Variants in NPM1 observed in about 807,000 individuals in gnomAD.
The protein encoded by NPM1 is nucleophosmin 1, also known as nucleophosmin.
In NPM1, 1 loss-of-function variant was observed where a neutral mutation model predicts 44.1. The observed-to-expected ratio is 0.02, with a 90% CI of 0.01 to 0.11. NPM1 has a LOEUF of 0.11. Among genes scored for constraint, NPM1 ranks in the 10% least tolerant of loss-of-function variants. The pLI, the probability that NPM1 is intolerant of heterozygous loss-of-function variation, is 1.00. For synonymous variants in NPM1, 126 were observed against 111.8 expected, an observed-to-expected ratio of 1.13 and a Z score of -0.80; for missense variants, 197 against 347.8, an observed-to-expected ratio of 0.57 and a Z score of 3.45.
At chr5:171,401,428 G>C (rs74449164) in intron 8 of NPM1, among the ~76,000 whole-genome samples, 47 of 152,072 alleles carry the variant, frequency 3.1e-4, no homozygotes, top group Admixed American at 2.8e-3. Flanking sequence ...GTGGTGGGGC[G>C]GGGGGAGCCA....
chr5:171,406,733 A>G (rs1312173508), intron 9 of NPM1: 2 of 1,135,144 alleles, frequency 1.8e-6, no homozygotes, highest in African/African-American at 3.2e-5. Flanking sequence ...ATCAATTAAG[A>G]ATGTATGTGA....
chr5:171,400,566 C>T (rs1209634090), intron 7 of NPM1, among the ~76,000 whole-genome samples: 3 of 151,378 alleles, frequency 2.0e-5, no homozygotes, highest in African/African-American at 4.9e-5. Context: ...AAGCGATTCT[C>T]CTGCCTCAGC....
At position 171,398,639 on chromosome 5, in the gene NPM1, C is replaced by T. The variant is rs538056798; in HGVS notation, c.525-1514C>T. 1.6e-3 allele frequency among the ~76,000 whole-genome samples: 245 copies of T among 152,128 alleles called. 1 individual carries two copies. The highest frequency in any genetic ancestry group is 3.1e-3 in the Non-Finnish European group (213 of 68,012). ...TACAAATTTTAGCTGGGCATGGTAG[C>T]GTGTGCCTGTAGTCCCAGCTACTCA... On this transcript the variant is annotated intron_variant, in intron 6 of 10. Coordinates refer to ENST00000296930, the MANE Select transcript of NPM1 (RefSeq NM_002520.7).
chr5:171,393,148 G>A (rs779968980), intron 6 of NPM1, among the ~76,000 whole-genome samples, 170 bp downstream of exon 6: 11 of 152,218 alleles, frequency 7.2e-5, no homozygotes, highest in Non-Finnish European at 1.0e-4. Context: ...TAAGTTAAAT[G>A]AGCTGAGTTG....
At chr5:171,409,928 G>A (rs1179281410) in intron 10 of NPM1, among the ~76,000 whole-genome samples, 1 of 152,000 alleles carries the variant, frequency 6.6e-6, no homozygotes, top group Non-Finnish European at 1.5e-5. Context: ...CTGAGTAGCT[G>A]GGCCTCCTGT....
chr5:171,390,176 G>A, intron 2 of NPM1, 46 bp downstream of exon 2: 3 of 1,129,362 alleles, frequency 2.7e-6, no homozygotes, highest in Non-Finnish European at 3.8e-6. Context: ...CTTGATTTCA[G>A]CCTTTTAGTT....
intron 8 of NPM1, among the ~76,000 whole-genome samples, chr5:171,404,256 G>A (rs1317755829): frequency 9.4e-6 from 1 of 106,758 alleles, no homozygotes; most frequent in Non-Finnish European, 2.0e-5. Flanking sequence ...CCTCCCTCCC[G>A]GACGGGGTGG....
rs1486805401 is a variant in NPM1, at chr5:171,407,692, C to A, written c.772-8C>A. The A allele has an allele frequency of 1.9e-6, 3 of 1,558,580 alleles. No homozygotes were observed. In the East Asian group the frequency reaches 6.7e-5, roughly 35 times the overall value. Reference sequence around the variant, plus strand: ...TACTTACCTGTAATAATGCTTTTGTCTTAATAGGGTGGTTCTCTTCCCAAA... The same window carrying A: ...TACTTACCTGTAATAATGCTTTTGTATTAATAGGGTGGTTCTCTTCCCAAA... On this transcript the variant is annotated splice_polypyrimidine_tract_variant and splice_region_variant and intron_variant, in intron 9 of 10. Transcript: ENST00000296930.
At chr5:171,410,504 C>T (rs1561878383) in intron 10 of NPM1, 23 bp from the exon 11 acceptor site, 2 of 1,477,128 alleles carry the variant, frequency 1.4e-6, no homozygotes, top group East Asian at 2.3e-5. Flanking sequence ...TCCTTAACCA[C>T]ATTTCTTTTT....
intron 9 of NPM1, 35 bp downstream of exon 9, chr5:171,405,438 C>G (rs552941617): frequency 1.7e-5 from 16 of 940,130 alleles, no homozygotes; most frequent in Non-Finnish European, 2.4e-5. Flanking sequence ...CTTTGTCTCC[C>G]CCCTCAAATT....
In NPM1 at chr5:171,398,150, TCCA is replaced by T. The variant is rs202048907; in HGVS notation, c.525-1999_525-1997del. On this transcript the variant is annotated intron_variant, in intron 6 of 10. Transcript: ENST00000296930. ...CAGACACAAGATTTACAGATTATCT[TCCA>T]CCATTCCGTGAATTGTTACTTAACT... Among the ~76,000 whole-genome samples the T allele has an allele frequency of 6.4e-3, 973 of 152,322 alleles. 11 individuals carry two copies. Among genetic ancestry groups the T allele is most frequent in the African/African-American group, 0.022 (932 of 41,538 alleles).
rs1770320645 is a variant in NPM1 at position 171,387,878 on chromosome 5, GTTGT to G, written c.-69_-66del. 7.0e-7 allele frequency: 1 copy of G among 1,430,248 alleles called. No homozygotes were observed. Among genetic ancestry groups the G allele is most frequent in the African/African-American group, 1.4e-5 (1 of 71,360 alleles). The allele number at this position is 1,430,248 out of a possible 1,614,324, so 88.6% of individuals were successfully genotyped here. ...CCCTGGTGTGATTCCGTCCTGCGCG[GTTGT>G]TCTCTGGAGCAGCGTTCTTTTATCT... On this transcript the variant is annotated 5_prime_UTR_variant, in exon 1 of 11. Coordinates refer to ENST00000296930, the MANE Select transcript of NPM1 (RefSeq NM_002520.7).
At chr5:171,397,198 C>G (rs897103223) in intron 6 of NPM1, among the ~76,000 whole-genome samples, 1 of 152,182 alleles carries the variant, frequency 6.6e-6, no homozygotes, top group Non-Finnish European at 1.5e-5. Context: ...ACAGTGTTTT[C>G]AAGTTTCATC....
intron 1 of NPM1, among the ~76,000 whole-genome samples, chr5:171,389,294 A>G (rs1188976204): frequency 6.6e-6 from 1 of 152,220 alleles, no homozygotes; most frequent in African/African-American, 2.4e-5. Context: ...AAGCATGTAT[A>G]TGTATTGGTA....
chr5:171,402,053 C>CTTTTTT (rs34648553), intron 8 of NPM1, among the ~76,000 whole-genome samples: 2,024 of 133,550 alleles, frequency 0.015, 51 homozygotes, highest in African/African-American at 0.04. Flanking sequence ...TTCTGATTTC[C>CTTTTTT]TTTTTTTTTT....
At chr5:171,402,103 G>T (rs530216527) in intron 8 of NPM1, among the ~76,000 whole-genome samples, 13 of 135,876 alleles carry the variant, frequency 9.6e-5, no homozygotes, top group African/African-American at 3.6e-4. Context: ...CAATTTAAAC[G>T]AATAAATTTC....
intron 2 of NPM1, chr5:171,390,976 C>A (rs1225642493): frequency 1.7e-5 from 3 of 171,960 alleles, no homozygotes; most frequent in Non-Finnish European, 3.7e-5. Context: ...CCCGCCTCAG[C>A]CTCCCTAAGT....
intron 6 of NPM1, among the ~76,000 whole-genome samples, chr5:171,399,861 C>T (rs994735041): frequency 1.3e-5 from 2 of 152,178 alleles, no homozygotes; most frequent in African/African-American, 4.8e-5. Flanking sequence ...TTGAGTTTGA[C>T]TACTTTTAGA....
chr5:171,393,891 G>C (rs1456911442), intron 6 of NPM1, among the ~76,000 whole-genome samples: 1 of 152,142 alleles, frequency 6.6e-6, no homozygotes, highest in Non-Finnish European at 1.5e-5. Flanking sequence ...CTAACACCCA[G>C]CCAAGATGAG....
Sources: allele counts gnomAD v4.1 joint callset (sites outside exome capture counted in the v4.1 genomes callset), GRCh38; gene constraint gnomAD v4.1.1; transcripts MANE v1.5; gene names NCBI Gene and HGNC (gene_info 2026-07-23, HGNC 2026-07-21).